The following TENM3 variants were observed in gnomAD, a reference collection of about 807,000 sequenced individuals.
TENM3 encodes teneurin-3.
In TENM3, 63 loss-of-function variants were observed where a neutral mutation model predicts 255.1. The observed-to-expected ratio is 0.25, with a 90% CI of 0.20 to 0.30. The LOEUF is 0.30. TENM3 is among the 10% of genes least tolerant of loss of function. The pLI, the probability that TENM3 is intolerant of heterozygous loss-of-function variation, is 1.00. For missense variants in TENM3, 2,929 were observed against 3,461.1 expected, an observed-to-expected ratio of 0.85 and a Z score of 3.86; for synonymous variants, 1,306 against 1,322.3, an observed-to-expected ratio of 0.99 and a Z score of 0.27.
the TENM3 span, among the ~76,000 whole-genome samples, chr4:182,056,732 A>ATGTTT: frequency 6.6e-6 from 1 of 152,082 alleles, no homozygotes; most frequent in Non-Finnish European, 1.5e-5. Flanking sequence ...CCTTGGTGTT[A>ATGTTT]TCCACTGTTA....
chr4:182,461,330 G>A (rs1774306292), intron 3 of TENM3, among the ~76,000 whole-genome samples: 2 of 152,274 alleles, frequency 1.3e-5, no homozygotes, highest in Admixed American at 6.5e-5. Flanking sequence ...AGGTGGAGAG[G>A]CACATGAGCA....
chr4:181,461,950 T>C, the TENM3 span, among the ~76,000 whole-genome samples: 2 of 152,196 alleles, frequency 1.3e-5, no homozygotes, highest in Non-Finnish European at 2.9e-5. Flanking sequence ...TTATGAATTT[T>C]ACATTTTTGG....
At chr4:181,854,676 C>T in the TENM3 span, among the ~76,000 whole-genome samples, 2 of 152,180 alleles carry the variant, frequency 1.3e-5, no homozygotes, top group Non-Finnish European at 2.9e-5. Flanking sequence ...TTTTCCAACA[C>T]ATTTAACATT....
chr4:182,131,029 C>T, the TENM3 span, among the ~76,000 whole-genome samples: 1 of 151,894 alleles, frequency 6.6e-6, no homozygotes, highest in African/African-American at 2.4e-5. Flanking sequence ...TAATGGTGAC[C>T]CTTGGTGTTT....
At chr4:182,455,706 C>T (rs1425807649) in intron 3 of TENM3, among the ~76,000 whole-genome samples, 4 of 151,868 alleles carry the variant, frequency 2.6e-5, no homozygotes, top group Non-Finnish European at 5.9e-5. Context: ...GGATTACAGG[C>T]GTGCACCAAC....
chr4:182,206,981 C>T lies in TENM3; in HGVS notation c.-76+62227C>T, dbSNP rs200123353. On this transcript the variant is annotated intron_variant, in intron 1 of 2. Transcript: ENST00000512480. ...GCACTCAACATAAGCATGAGATGCTCGGAAATTTGTTTGCTAAATCATCTG... is the reference window on the plus strand; with the variant it reads ...GCACTCAACATAAGCATGAGATGCTTGGAAATTTGTTTGCTAAATCATCTG... Among the ~76,000 whole-genome samples, 13 of 152,244 alleles carry T rather than the reference C, an allele frequency of 8.5e-5. 1 individual carries two copies. In the East Asian group the frequency reaches 1.7e-3, roughly 20 times the overall value.
the TENM3 span, among the ~76,000 whole-genome samples, chr4:182,128,933 C>A: frequency 8.3e-6 from 1 of 120,858 alleles, no homozygotes; most frequent in Non-Finnish European, 1.7e-5. Context: ...ACTTTTTTCT[C>A]TCATATTTTT....
At chr4:182,463,045 G>A (rs1185430168) in intron 3 of TENM3, among the ~76,000 whole-genome samples, 2 of 152,136 alleles carry the variant, frequency 1.3e-5, no homozygotes, top group Middle Eastern at 3.4e-3. Flanking sequence ...AGCCCTCCCC[G>A]TGTGCAGGTT....
chr4:182,541,642 C>G (rs1279539995), intron 3 of TENM3, among the ~76,000 whole-genome samples: 1 of 152,158 alleles, frequency 6.6e-6, no homozygotes, highest in Non-Finnish European at 1.5e-5. Context: ...GAACTCATTA[C>G]TAGCAATTCA....
At chr4:182,170,163 A>G (rs1338046521) in intron 1 of TENM3, among the ~76,000 whole-genome samples, 1 of 151,918 alleles carries the variant, frequency 6.6e-6, no homozygotes, top group Non-Finnish European at 1.5e-5. Context: ...CCTTTAAGAT[A>G]GCATACATGT....
chr4:182,229,078 T>C (rs947539671), intron 1 of TENM3, among the ~76,000 whole-genome samples: 3 of 152,236 alleles, frequency 2.0e-5, no homozygotes, highest in African/African-American at 7.2e-5. Flanking sequence ...ATTTGCTTTG[T>C]ATTTTGTTTC....
chr4:182,373,322 T>G (rs1316018701), intron 3 of TENM3, among the ~76,000 whole-genome samples: 1 of 152,312 alleles, frequency 6.6e-6, no homozygotes, highest in East Asian at 1.9e-4. Context: ...TGAGTCTGTT[T>G]TGCCTTGCTA....
At chr4:182,250,891 G>T (rs1757968600) in intron 1 of TENM3, among the ~76,000 whole-genome samples, 1 of 152,200 alleles carries the variant, frequency 6.6e-6, no homozygotes, top group African/African-American at 2.4e-5. Context: ...GATTCCAGCT[G>T]GAAGCTTATT....
At chr4:182,305,482 T>G (rs943283338) in intron 1 of TENM3, among the ~76,000 whole-genome samples, 1 of 152,244 alleles carries the variant, frequency 6.6e-6, no homozygotes, top group African/African-American at 2.4e-5. Context: ...GTAGTCAGAC[T>G]AAAAATGTTA....
chr4:182,486,314 G>GT (rs1407185803), intron 3 of TENM3, among the ~76,000 whole-genome samples: 6 of 107,514 alleles, frequency 5.6e-5, no homozygotes, highest in Admixed American at 4.1e-4. Context: ...TTAATTGTGT[G>GT]TGGGGGGGAG....
the TENM3 span, among the ~76,000 whole-genome samples, chr4:181,582,185 T>C: frequency 6.6e-6 from 1 of 152,226 alleles, no homozygotes; most frequent in Non-Finnish European, 1.5e-5. Context: ...GGTACTATAA[T>C]GTTTTCCAAG....
chr4:181,693,672 G>A, the TENM3 span, among the ~76,000 whole-genome samples: 146 of 152,200 alleles, frequency 9.6e-4, 5 homozygotes, highest in South Asian at 0.029. Context: ...AGTCTGAGCC[G>A]AATTACTCTG....
chr4:182,068,876 T>C, the TENM3 span, among the ~76,000 whole-genome samples: 3 of 152,086 alleles, frequency 2.0e-5, no homozygotes, highest in Admixed American at 6.6e-5. Flanking sequence ...TCATTATCTA[T>C]GAGTACAAAC....
At chr4:182,769,601 G>A (rs1764010193) in intron 22 of TENM3, among the ~76,000 whole-genome samples, 1 of 151,246 alleles carries the variant, frequency 6.6e-6, no homozygotes, top group Non-Finnish European at 1.5e-5. Context: ...GGCCAAGATG[G>A]TGAAACCCCG....
Sources: gnomAD v4.1 joint callset for allele counts (sites outside exome capture counted in the v4.1 genomes callset) on GRCh38, gnomAD v4.1.1 for gene constraint, MANE v1.5 for transcripts, NCBI Gene and HGNC (gene_info 2026-07-23, HGNC 2026-07-21) for gene names.